The following LRRC74B variants were observed in gnomAD, a reference collection of about 807,000 sequenced individuals.
The protein encoded by LRRC74B is leucine-rich repeat-containing protein 74B.
A neutral mutation model predicts 16.6 loss-of-function variants in LRRC74B; 30 were observed. The observed-to-expected ratio is 1.80, with a 90% CI of 1.35 to 2.45. The LOEUF is 2.45. Among genes scored for constraint, LRRC74B ranks in the 30% most tolerant of loss-of-function variants. The pLI, the probability that LRRC74B is intolerant of heterozygous loss-of-function variation, is 0.00. For synonymous variants in LRRC74B, 134 were observed against 86.0 expected, an observed-to-expected ratio of 1.56 and a Z score of -3.09; for missense variants, 326 against 202.4, an observed-to-expected ratio of 1.61 and a Z score of -3.71.
chr22:21,054,680 T>C (rs1371141180), intron 6 of LRRC74B, among the ~76,000 whole-genome samples: 2 of 152,272 alleles, frequency 1.3e-5, no homozygotes, highest in East Asian at 3.9e-4. Context: ...CGGGACTGAC[T>C]CCGGAGACAA....
Position 21,059,777 on chromosome 22 carries a change from G to C in LRRC74B, c.1024-596G>C, listed in dbSNP as rs537811797. 3.7e-4 allele frequency among the ~76,000 whole-genome samples: 57 copies of C among 152,084 alleles called. No individual in the cohort carries two copies. The East Asian group carries it at 0.011, about 28-fold the overall frequency. ...TGTGTTTTTGTGAAATGGGGCTAAC[G>C]TCTACCCCGCAAGGCCATCATGAAC... On this transcript the variant is annotated intron_variant, in intron 8 of 8. Transcript: ENST00000442047.
downstream of LRRC74B, among the ~76,000 whole-genome samples, chr22:21,061,569 G>A (rs1225948564): frequency 6.6e-6 from 1 of 152,168 alleles, no homozygotes; most frequent in Admixed American, 6.5e-5. Flanking sequence ...GGCTGAGGTA[G>A]GAGGATTGCT....
At chr22:21,046,191 G>T in intron 1 of LRRC74B, 66 bp downstream of exon 1, 1 of 704,668 alleles carries the variant, frequency 1.4e-6, no homozygotes. Context: ...GGGGTTGGGG[G>T]AGGCGGGCTG....
chr22:21,050,424 G>A (rs1027726800), intron 4 of LRRC74B, among the ~76,000 whole-genome samples: 14 of 152,186 alleles, frequency 9.2e-5, no homozygotes, highest in African/African-American at 3.4e-4. Flanking sequence ...ATTGCCTCTG[G>A]CATATAACTG....
At chr22:21,052,482 A>T in intron 5 of LRRC74B, 124 bp downstream of exon 5, 2 of 639,486 alleles carry the variant, frequency 3.1e-6, no homozygotes, top group South Asian at 3.5e-5. Flanking sequence ...CAGCTTAAAG[A>T]CTGTTTCTTT....
intron 3 of LRRC74B, chr22:21,048,490 A>G (rs1337239242): frequency 3.9e-6 from 1 of 254,242 alleles, no homozygotes; most frequent in African/African-American, 2.2e-5. Flanking sequence ...ATGGCCCCCA[A>G]AATACCTTAT....
At chr22:21,049,281 A>G (rs1601808536) in intron 4 of LRRC74B, 124 bp downstream of exon 4, 6 of 603,074 alleles carry the variant, frequency 9.9e-6, no homozygotes, top group Admixed American at 8.9e-5. Context: ...TGCTCCCCAC[A>G]CCCCACCTTG....
chr22:21,062,649 G>A (rs1930862405), downstream of LRRC74B: 1 of 148,376 alleles, frequency 6.7e-6, no homozygotes, highest in East Asian at 2.1e-4. Context: ...GAAGGTGGAG[G>A]TTGCAGTGAG....
At chr22:21,048,606 G>A in intron 3 of LRRC74B, 1 of 339,510 alleles carries the variant, frequency 2.9e-6, no homozygotes, top group South Asian at 3.4e-5. Context: ...GGCTATTATT[G>A]CCAATCCTGG....
At chr22:21,053,878 G>C (rs1189932025) in intron 6 of LRRC74B, 1 of 159,910 alleles carries the variant, frequency 6.3e-6, no homozygotes, top group African/African-American at 2.4e-5. Flanking sequence ...CAAAGTGCTG[G>C]AATTACAGTC....
chr22:21,053,378 G>A, exon 6 of LRRC74B: 1 of 717,282 alleles, frequency 1.4e-6, no homozygotes. Flanking sequence ...CTTCCTTAAA[G>A]TTCTAGACAT....
intron 8 of LRRC74B, among the ~76,000 whole-genome samples, chr22:21,058,977 G>A (rs1930682361): frequency 6.6e-6 from 1 of 152,228 alleles, no homozygotes; most frequent in South Asian, 2.1e-4. Flanking sequence ...CCTGGGATGG[G>A]CATGATGGTT....
chr22:21,050,755 G>A (rs1307462899), intron 4 of LRRC74B, among the ~76,000 whole-genome samples: 1 of 143,690 alleles, frequency 7.0e-6, no homozygotes, highest in African/African-American at 2.6e-5. Context: ...TCCGGCCTGG[G>A]CGAAAGAGCG....
intron 3 of LRRC74B, chr22:21,048,750 A>C (rs1929706757): frequency 5.1e-6 from 3 of 589,312 alleles, no homozygotes; most frequent in Non-Finnish European, 6.1e-6. Context: ...CTTGACACAG[A>C]AGCTGGTGGG....
At chr22:21,055,909 A>C (rs1016922147) in intron 7 of LRRC74B, among the ~76,000 whole-genome samples, 2 of 152,202 alleles carry the variant, frequency 1.3e-5, no homozygotes, top group East Asian at 1.9e-4. Flanking sequence ...ACCTGAACGC[A>C]TACCCCCCTC....
intron 4 of LRRC74B, among the ~76,000 whole-genome samples, chr22:21,050,922 G>T (rs759213238): frequency 6.8e-6 from 1 of 146,028 alleles, no homozygotes; most frequent in Non-Finnish European, 1.5e-5. Context: ...GGGAGCCCCA[G>T]TGGTGACAAC....
chr22:21,046,918 C>T (rs1929490247), intron 1 of LRRC74B, among the ~76,000 whole-genome samples: 1 of 151,894 alleles, frequency 6.6e-6, no homozygotes, highest in South Asian at 2.1e-4. Flanking sequence ...ATGGTGAAAC[C>T]CCGTCTCTAC....
chr22:21,055,272 G>A (rs2148158560), intron 7 of LRRC74B, 96 bp downstream of exon 7: 1 of 668,496 alleles, frequency 1.5e-6, no homozygotes, highest in Admixed American at 2.1e-5. Context: ...AGGGGCAGCA[G>A]GCAGGTGCAC....
intron 4 of LRRC74B, among the ~76,000 whole-genome samples, chr22:21,052,030 C>A (rs1163865591): frequency 6.6e-6 from 1 of 152,220 alleles, no homozygotes; most frequent in Non-Finnish European, 1.5e-5. Context: ...TGTTCTCACG[C>A]CTCCCCCTTT....
Sources: gnomAD v4.1 joint callset for allele counts (sites outside exome capture counted in the v4.1 genomes callset) on GRCh38, gnomAD v4.1.1 for gene constraint, MANE v1.5 for transcripts, NCBI Gene and HGNC (gene_info 2026-07-23, HGNC 2026-07-21) for gene names.